ENTREP1: variants seen among roughly 807,000 people sequenced by gnomAD.
The protein encoded by ENTREP1 is endosomal transmembrane epsin interactor 1, also known as Friedreich ataxia region gene X123.
the ENTREP1 span, among the ~76,000 whole-genome samples, chr9:69,359,865 A>G: frequency 6.6e-6 from 1 of 152,196 alleles, no homozygotes; most frequent in Non-Finnish European, 1.5e-5. Flanking sequence ...TGATCTATTA[A>G]AAGTTTGTGA....
chr9:69,362,200 GTAGGGAAAGGTCAGCCTATT>G, the ENTREP1 span, among the ~76,000 whole-genome samples: 2 of 152,160 alleles, frequency 1.3e-5, no homozygotes, highest in African/African-American at 4.8e-5. Context: ...TCCTTAGGCA[GTAGGGAAAGGTCAGCCTATT>G]TAAAGAATGA....
the ENTREP1 span, among the ~76,000 whole-genome samples, chr9:69,346,349 G>A: frequency 6.6e-6 from 1 of 152,110 alleles, no homozygotes; most frequent in East Asian, 1.9e-4. Context: ...TGTTAAAAGT[G>A]AGGAATTTGC....
the ENTREP1 span, among the ~76,000 whole-genome samples, chr9:69,341,229 A>T: frequency 1.3e-5 from 2 of 152,152 alleles, no homozygotes; most frequent in Admixed American, 1.3e-4. Context: ...TGACCTAAAA[A>T]TGATAAAGGG....
At chr9:69,371,345 T>G in the ENTREP1 span, 1 of 732,622 alleles carries the variant, frequency 1.4e-6, no homozygotes, top group Non-Finnish European at 2.5e-6. Context: ...AAGTCTAAAA[T>G]GTGAAAAAAA....
At chr9:69,385,396 C>T in the ENTREP1 span, among the ~76,000 whole-genome samples, 2 of 152,198 alleles carry the variant, frequency 1.3e-5, no homozygotes, top group Admixed American at 6.5e-5. Context: ...GCCACCTCAC[C>T]TGTGCTGGTA....
chr9:69,372,907 G>C, the ENTREP1 span, among the ~76,000 whole-genome samples: 2 of 151,476 alleles, frequency 1.3e-5, no homozygotes, highest in Non-Finnish European at 2.9e-5. Flanking sequence ...ATTTGGTTTT[G>C]ATTTGCATTT....
chr9:69,378,849 C>T, the ENTREP1 span, among the ~76,000 whole-genome samples: 1 of 152,056 alleles, frequency 6.6e-6, no homozygotes, highest in Non-Finnish European at 1.5e-5. Flanking sequence ...ATGAGCTAGA[C>T]CTGCTTCCTC....
chr9:69,360,079 T>G, the ENTREP1 span, among the ~76,000 whole-genome samples: 1 of 152,170 alleles, frequency 6.6e-6, no homozygotes, highest in Non-Finnish European at 1.5e-5. Flanking sequence ...CTCAAGATTA[T>G]TCGGCTAGTA....
At chr9:69,375,800 A>G in the ENTREP1 span, 1 of 1,613,990 alleles carries the variant, frequency 6.2e-7, no homozygotes, top group South Asian at 1.1e-5. Flanking sequence ...AAGTGCACAG[A>G]CAAAGAAAAT....
chr9:69,346,270 AC>A, the ENTREP1 span, among the ~76,000 whole-genome samples: 6 of 152,088 alleles, frequency 3.9e-5, no homozygotes, highest in East Asian at 1.2e-3. Flanking sequence ...GGCGTGAGCC[AC>A]TGCGCTTGGC....
At chr9:69,351,754 T>C in the ENTREP1 span, among the ~76,000 whole-genome samples, 112 of 152,308 alleles carry the variant, frequency 7.4e-4, no homozygotes, top group African/African-American at 2.5e-3. Flanking sequence ...CTCTGTTCTT[T>C]CCTTGTAGAA....
the ENTREP1 span, among the ~76,000 whole-genome samples, chr9:69,367,092 T>A: frequency 6.3e-4 from 3 of 4,774 alleles, no homozygotes; most frequent in Admixed American, 1.6e-3. Context: ...AATTAAACAA[T>A]TTTTTTTTTT....
At chr9:69,384,070 A>C in the ENTREP1 span, 1 of 1,448,596 alleles carries the variant, frequency 6.9e-7, no homozygotes, top group South Asian at 1.2e-5. Context: ...AAAACATGAT[A>C]AAATAGGCTG....
At chr9:69,370,253 T>C in the ENTREP1 span, among the ~76,000 whole-genome samples, 48,375 of 152,024 alleles carry the variant, frequency 0.32, 8,978 homozygotes, top group Admixed American at 0.4. Flanking sequence ...TGTTATTGGG[T>C]TTAAGGATTA....
the ENTREP1 span, chr9:69,377,888 C>G: frequency 1.2e-6 from 1 of 812,590 alleles, no homozygotes; most frequent in Non-Finnish European, 1.8e-6. Flanking sequence ...GAACGTTAGC[C>G]CAATGAGTGA....
At chr9:69,358,124 A>T in the ENTREP1 span, among the ~76,000 whole-genome samples, 16 of 152,268 alleles carry the variant, frequency 1.1e-4, no homozygotes, top group Middle Eastern at 0.01. Context: ...ATGGAACTTG[A>T]ATTCTAAGGA....
the ENTREP1 span, among the ~76,000 whole-genome samples, chr9:69,379,272 C>G: frequency 6.6e-6 from 1 of 152,316 alleles, no homozygotes; most frequent in African/African-American, 2.4e-5. Context: ...CACCCAGACA[C>G]TGTTAGTGTT....
the ENTREP1 span, among the ~76,000 whole-genome samples, chr9:69,384,726 G>C: frequency 6.6e-6 from 1 of 152,102 alleles, no homozygotes; most frequent in South Asian, 2.1e-4. Flanking sequence ...TGTCCACCAG[G>C]ACAAAATCAC....
the ENTREP1 span, among the ~76,000 whole-genome samples, chr9:69,343,284 C>T: frequency 6.6e-6 from 1 of 152,228 alleles, no homozygotes; most frequent in Non-Finnish European, 1.5e-5. Context: ...TTCGCATTCA[C>T]TTGTCTTGAA....
Sources: allele counts gnomAD v4.1 joint callset (sites outside exome capture counted in the v4.1 genomes callset), GRCh38; gene constraint gnomAD v4.1.1; transcripts MANE v1.5; gene names NCBI Gene and HGNC (gene_info 2026-07-23, HGNC 2026-07-21).